CHIC2: variants seen among roughly 807,000 people sequenced by gnomAD.
CHIC2 encodes cysteine rich hydrophobic domain 2, also known as cysteine-rich hydrophobic domain-containing protein 2.
In CHIC2, 14 loss-of-function variants were observed where a neutral mutation model predicts 25.9. The ratio of observed to expected loss-of-function variants is 0.54; its 90% confidence interval spans 0.36 to 0.85. CHIC2 has a LOEUF of 0.85. Ranked by LOEUF, CHIC2 falls within the 40% of genes least tolerant of loss-of-function variation. The pLI is 0.01. For missense variants in CHIC2, 146 were observed against 202.0 expected (o/e 0.72, Z 1.68); for synonymous variants, 70 against 72.0 (o/e 0.97, Z 0.14).
At chr4:54,022,570 G>C (rs923810446) in intron 3 of CHIC2, among the ~76,000 whole-genome samples, 1 of 152,018 alleles carries the variant, frequency 6.6e-6, no homozygotes, top group Non-Finnish European at 1.5e-5. Context: ...ATTAGATCAA[G>C]ACATTTTAAC....
intron 3 of CHIC2, among the ~76,000 whole-genome samples, chr4:54,042,386 G>T (rs912972924): frequency 6.6e-6 from 1 of 152,036 alleles, no homozygotes; most frequent in Non-Finnish European, 1.5e-5. Flanking sequence ...ATTTAATGAA[G>T]GCATTTCAAA....
intron 3 of CHIC2, among the ~76,000 whole-genome samples, chr4:54,023,639 C>G (rs770762369): frequency 2.0e-4 from 31 of 152,146 alleles, no homozygotes; most frequent in Non-Finnish European, 4.0e-4. Context: ...GGCAGTTCCA[C>G]CAGGCCTAAT....
chr4:54,078,578 C>T, the CHIC2 span, among the ~76,000 whole-genome samples: 2 of 152,048 alleles, frequency 1.3e-5, no homozygotes, highest in African/African-American at 4.8e-5. Flanking sequence ...TGCAGTGACA[C>T]GATCTTGGCT....
At chr4:54,070,740 T>G in the CHIC2 span, among the ~76,000 whole-genome samples, 1 of 152,078 alleles carries the variant, frequency 6.6e-6, no homozygotes, top group African/African-American at 2.4e-5. Flanking sequence ...TATTTTTAAA[T>G]CCCCAAGTGG....
intron 5 of CHIC2, among the ~76,000 whole-genome samples, chr4:54,012,388 A>G (rs939324615): frequency 6.6e-6 from 1 of 152,322 alleles, no homozygotes; most frequent in African/African-American, 2.4e-5. Context: ...CAAACAAAGC[A>G]TATAGTTCAG....
At chr4:54,031,589 T>G (rs1427955887) in intron 3 of CHIC2, among the ~76,000 whole-genome samples, 2 of 151,150 alleles carry the variant, frequency 1.3e-5, no homozygotes, top group African/African-American at 4.9e-5. Flanking sequence ...AAATACTATA[T>G]TAAGTAGCCT....
chr4:54,066,426 A>C (rs1206599152), upstream of CHIC2, among the ~76,000 whole-genome samples: 1 of 152,232 alleles, frequency 6.6e-6, no homozygotes, highest in Non-Finnish European at 1.5e-5. Flanking sequence ...AAGCACGTAC[A>C]TAATATATCA....
chr4:54,064,467 T>C lies in CHIC2; in HGVS notation c.-167A>G. ...GGCTCCGGCTACAGAGGGGATGGGGTCTGGACCGTCGCCGCCACCGCCGCC... is the reference window on the plus strand; with the variant it reads ...GGCTCCGGCTACAGAGGGGATGGGGCCTGGACCGTCGCCGCCACCGCCGCC... On this transcript the variant is annotated 5_prime_UTR_variant, in exon 1 of 6. Coordinates refer to ENST00000263921, the MANE Select transcript of CHIC2 (RefSeq NM_012110.4). This position sits in a 1 kb window ranked among gnomAD's most constrained non-coding sequence, Gnocchi z 4.2. The C allele has an allele frequency of 6.8e-7, 1 of 1,460,072 alleles. No individual in the cohort carries two copies. The highest frequency in any genetic ancestry group is 1.4e-5 in the South Asian group (1 of 70,022). 90.4% of individuals were successfully genotyped at this position (1,460,072 alleles called of 1,614,324 possible).
At chr4:54,018,873 A>G (rs1715817392) in intron 3 of CHIC2, among the ~76,000 whole-genome samples, 2 of 152,020 alleles carry the variant, frequency 1.3e-5, no homozygotes, top group Non-Finnish European at 2.9e-5. Flanking sequence ...TCAAATGTTC[A>G]ATTCCCTACT....
At chr4:54,069,425 G>A (rs935444194), upstream of CHIC2, among the ~76,000 whole-genome samples, 6 of 152,366 alleles carry the variant, frequency 3.9e-5, no homozygotes, top group South Asian at 8.3e-4. Context: ...TTCTGTCCCC[G>A]CGGAGTCGGG....
rs1184489535 is a variant in CHIC2 at position 54,019,526 on chromosome 4, G to A, written c.331-5407C>T. On this transcript the variant is annotated intron_variant, in intron 3 of 5. Transcript: ENST00000263921. ...TTAAACAGAATTTCATCAAGTTTAC[G>A]ATCTAGGCTAGTGAGAGAATATTAA... is the stretch of plus-strand genomic sequence containing the variant. 2.0e-5 allele frequency among the ~76,000 whole-genome samples: 3 copies of A among 152,040 alleles called. No individual in the cohort carries two copies. The East Asian group carries it at 5.8e-4, about 29-fold the overall frequency.
At chr4:54,025,072 A>G (rs138481237) in intron 3 of CHIC2, among the ~76,000 whole-genome samples, 1,535 of 151,326 alleles carry the variant, frequency 0.01, 21 homozygotes, top group African/African-American at 0.035. Flanking sequence ...CAACACTTCA[A>G]CACTATTTTA....
chr4:54,082,640 G>A, the CHIC2 span, among the ~76,000 whole-genome samples: 26 of 152,230 alleles, frequency 1.7e-4, no homozygotes, highest in East Asian at 2.1e-3. Flanking sequence ...CATACCAGTC[G>A]TTTCTAAATC....
intron 3 of CHIC2, among the ~76,000 whole-genome samples, chr4:54,048,568 T>C (rs1716905056): frequency 6.6e-6 from 1 of 152,110 alleles, no homozygotes; most frequent in Non-Finnish European, 1.5e-5. Context: ...TTTACCTTTA[T>C]ATTCAAGTAG....
chr4:54,061,997 T>C (rs1304554386), intron 1 of CHIC2, among the ~76,000 whole-genome samples: 1 of 152,198 alleles, frequency 6.6e-6, no homozygotes, highest in African/African-American at 2.4e-5. Context: ...TAATAAAAAC[T>C]AGTATCTATT....
At chr4:54,076,025 AC>A in the CHIC2 span, among the ~76,000 whole-genome samples, 1 of 150,446 alleles carries the variant, frequency 6.6e-6, no homozygotes, top group Admixed American at 6.6e-5. Flanking sequence ...GGTGGCTCAC[AC>A]CTGTAATCCT....
At chr4:54,035,126 T>A (rs563273635) in intron 3 of CHIC2, among the ~76,000 whole-genome samples, 57 of 152,330 alleles carry the variant, frequency 3.7e-4, no homozygotes, top group African/African-American at 1.3e-3. Context: ...CATGTTTTTG[T>A]TGGACTTGAT....
intron 3 of CHIC2, among the ~76,000 whole-genome samples, chr4:54,016,948 AT>A (rs1715757279): frequency 6.6e-6 from 1 of 152,158 alleles, no homozygotes; most frequent in Admixed American, 6.5e-5. Context: ...GTTTAATACT[AT>A]GCAATTATTG....
intron 3 of CHIC2, among the ~76,000 whole-genome samples, chr4:54,040,270 C>A (rs1716523317): frequency 6.6e-6 from 1 of 152,070 alleles, no homozygotes; most frequent in East Asian, 1.9e-4. Flanking sequence ...AAAAAATAAT[C>A]AAAATAACAG....
Sources: allele counts gnomAD v4.1 joint callset (sites outside exome capture counted in the v4.1 genomes callset), GRCh38; gene constraint gnomAD v4.1.1; non-coding constraint Gnocchi (gnomAD v3.1); transcripts MANE v1.5; gene names NCBI Gene and HGNC (gene_info 2026-07-23, HGNC 2026-07-21).